The following KRT35 variants were observed in gnomAD, a reference collection of about 807,000 sequenced individuals.
The protein encoded by KRT35 is keratin 35.
Under a neutral mutation model 42.2 loss-of-function variants are expected in KRT35, and 33 were observed. The ratio of observed to expected loss-of-function variants is 0.78; its 90% CI spans 0.59 to 1.05. The LOEUF (loss-of-function observed/expected upper bound fraction) is 1.05, where lower values mean the gene tolerates loss of function less well. Ranked by LOEUF, KRT35 falls within the 50% of genes least tolerant of loss-of-function variation. KRT35 has a pLI of 0.00. For missense variants in KRT35, 585 were observed against 589.2 expected, an observed-to-expected ratio of 0.99 and a Z score of 0.07; for synonymous variants, 218 against 238.2, an observed-to-expected ratio of 0.92 and a Z score of 0.78.
At chr17:41,479,121 G>GCTCCCCATGCCCACCTC in intron 3 of KRT35, 126 bp from the exon 4 acceptor site, 1 of 1,004,876 alleles carries the variant, frequency 1.0e-6, no homozygotes, top group East Asian at 2.6e-5. Flanking sequence ...ATGCTCATCT[G>GCTCCCCATGCCCACCTC]CTCCCCATGC....
chr17:41,479,997 G>C (rs995521221), intron 1 of KRT35, among the ~76,000 whole-genome samples: 6 of 152,156 alleles, frequency 3.9e-5, no homozygotes, highest in Non-Finnish European at 8.8e-5. Flanking sequence ...CTGTTACTCA[G>C]GTTAGATAGC....
At position 41,477,052 on chromosome 17, in the gene KRT35, G is replaced by T. The variant is rs370552121; in HGVS notation, c.*4C>A. ...ATAGCCATGGCCATCTGGGTCACCC[G>T]CTCTCAGAACCGACCCCCTGGGCAG... On this transcript the variant is annotated 3_prime_UTR_variant, in exon 7 of 7. Transcript: ENST00000246639. 2 of 1,554,520 alleles carry T rather than the reference G, an allele frequency of 1.3e-6. No individual in the cohort carries two copies. Among genetic ancestry groups the T allele is most frequent in the Admixed American group, 2.1e-5 (1 of 48,526 alleles).
At chr17:41,479,265 C>G in intron 3 of KRT35, 82 bp downstream of exon 3, 5 of 1,330,704 alleles carry the variant, frequency 3.8e-6, no homozygotes, top group South Asian at 1.3e-5. Flanking sequence ...CACCTCATCC[C>G]CAATGCTCAC....
In KRT35 at chr17:41,478,360, C is replaced by T. The variant is rs895917089; in HGVS notation, c.999+1G>A. 1 of 1,612,834 alleles carries T rather than the reference C, an allele frequency of 6.2e-7. No homozygotes were observed. Among genetic ancestry groups the T allele is most frequent in the South Asian group, 1.1e-5 (1 of 91,028 alleles). ...CAGCTCCACCCTGCCTTGGGGCTCA[C>T]CATGCTGTGCTGAGCCTGCAGCTCA... On this transcript the variant is annotated splice_donor_variant, in intron 5 of 6. Coordinates refer to ENST00000246639, the MANE Select transcript of KRT35 (RefSeq NM_002280.6). LOFTEE classifies it high-confidence loss of function.
chr17:41,479,606 C>G, intron 2 of KRT35, 93 bp downstream of exon 2: 1 of 1,565,440 alleles, frequency 6.4e-7, no homozygotes, highest in South Asian at 1.1e-5. Flanking sequence ...CTTTTATGCC[C>G]CAATGACAGA....
In KRT35 at chr17:41,479,430, G is replaced by C; in HGVS notation, c.628C>G (p.Leu210Val). 1 of 1,614,164 alleles carries C rather than the reference G, an allele frequency of 6.2e-7. No homozygotes were observed. The highest frequency in any genetic ancestry group is 8.5e-7 in the Non-Finnish European group (1 of 1,180,018). The change falls in exon 3 of 7, where the codon CTG (leucine) becomes GTG (valine). Residue 210 changes from leucine to valine, a missense_variant. Physicochemically the swap from Leu to Val is conservative, Grantham distance 32 (BLOSUM62 1). Transcript: ENST00000246639. ...INGLRRILDD[L>V]TLCKSDLEAQ... ...TCCAGGTCAGACTTGCACAGGGTCA[G>C]GTCATCCAGGATCCTGCGCAGGCCG...
At position 41,481,006 on chromosome 17, in the gene KRT35, A is replaced by C; in HGVS notation, c.92T>G (p.Met31Arg). Residue 31 changes from methionine (M) to arginine (R), a missense_variant, in exon 1 of 7, where the codon ATG becomes AGG. Met to Arg is a moderately conservative substitution (Grantham distance 91). Transcript: ENST00000246639. ...ASGGSTRVSA[M>R]YSSSSCKLPS... is the part of the protein sequence containing the mutation. ...AAGCTTGCAAGAGCTGCTGGAGTAC[A>C]TTGCGGACACACGAGTGGAGCCCCC... 1 of 1,614,012 alleles carries C rather than the reference A, an allele frequency of 6.2e-7. No individual in the cohort carries two copies. Among genetic ancestry groups the C allele is most frequent in the South Asian group, 1.1e-5 (1 of 91,082 alleles).
Position 41,480,720 on chromosome 17 carries a change from C to T in KRT35, c.378G>A (p.Glu126=). ...RQLEQENASL[E]SRIREWCEQQ... ...GCTCACACCACTCACGGATGCGGCT[C>T]TCCAGGCTGGCGTTCTCCTGCTCCA... The change falls in exon 1 of 7, where the codon GAG becomes GAA. Residue 126 remains glutamate, a synonymous_variant. Coordinates refer to ENST00000246639, the MANE Select transcript of KRT35 (RefSeq NM_002280.6). 2 of 1,614,220 alleles carry T rather than the reference C, an allele frequency of 1.2e-6. No individual in the cohort carries two copies. Among genetic ancestry groups the T allele is most frequent in the East Asian group, 2.2e-5 (1 of 44,882 alleles).
intron 4 of KRT35, 68 bp from the exon 5 acceptor site, chr17:41,478,554 C>T (rs993021972): frequency 1.3e-5 from 20 of 1,550,052 alleles, no homozygotes; most frequent in South Asian, 3.5e-5. Flanking sequence ...CTACAGAGGC[C>T]GGTTAGAATC....
At chr17:41,479,857 C>A in intron 1 of KRT35, 76 bp from the exon 2 acceptor site, 1 of 1,246,706 alleles carries the variant, frequency 8.0e-7, no homozygotes, top group Admixed American at 1.7e-5. Flanking sequence ...CTGACAAGGG[C>A]TGACTCTGGA....
chr17:41,478,131 T>G (rs757146457), intron 5 of KRT35, among the ~76,000 whole-genome samples: 17 of 152,206 alleles, frequency 1.1e-4, no homozygotes, highest in Non-Finnish European at 1.9e-4. Context: ...TGCACAAATA[T>G]AGGACCTACT....
At chr17:41,478,623 G>A in intron 4 of KRT35, 137 bp from the exon 5 acceptor site, 2 of 1,218,128 alleles carry the variant, frequency 1.6e-6, no homozygotes, top group Non-Finnish European at 1.1e-6. Context: ...TATACTGGAG[G>A]GCATTGTTGC....
rs199599074 is a variant in KRT35 at position 41,481,019 on chromosome 17, G to A, written c.79C>T (p.Arg27Cys). 752 of 1,613,978 alleles carry A rather than the reference G, an allele frequency of 4.7e-4. 2 individuals carry two copies. Among genetic ancestry groups the A allele is most frequent in the Admixed American group, 1.5e-3 (91 of 60,014 alleles). The change falls in exon 1 of 7, where the codon CGT (arginine) becomes TGT (cysteine). Residue 27 changes from arginine to cysteine, a missense_variant. Transcript: ENST00000246639. ...CTGCTGGAGTACATTGCGGACACACGAGTGGAGCCCCCACTGGCCCCTCCT... is the reference window on the plus strand; with the variant it reads ...CTGCTGGAGTACATTGCGGACACACAAGTGGAGCCCCCACTGGCCCCTCCT... ...SPGGASGGST[R>C]VSAMYSSSSC... is the part of the protein sequence containing the mutation.
Position 41,477,215 on chromosome 17 carries a change from A to C in KRT35, c.1221-12T>G, listed in dbSNP as rs1264289684. ...GGTTACAGGGGAGCCTAGAAAAAAGAAAACAAATTACTGTGATTTTCCAGT... is the reference window on the plus strand; with the variant it reads ...GGTTACAGGGGAGCCTAGAAAAAAGCAAACAAATTACTGTGATTTTCCAGT... On this transcript the variant is annotated splice_polypyrimidine_tract_variant and intron_variant, in intron 6 of 6. Transcript: ENST00000246639. 1.9e-6 allele frequency: 3 copies of C among 1,613,596 alleles called. No individual in the cohort carries two copies. Among genetic ancestry groups the C allele is most frequent in the Admixed American group, 3.3e-5 (2 of 59,910 alleles).
chr17:41,481,015 A>G lies in KRT35; in HGVS notation c.83T>C (p.Val28Ala). Residue 28 changes from valine to alanine, a missense_variant, in exon 1 of 7, where the codon GTG becomes GCG. Transcript: ENST00000246639. ...PGGASGGSTR[V>A]SAMYSSSSCK... Reference sequence around the variant, plus strand: ...AGAGCTGCTGGAGTACATTGCGGACACACGAGTGGAGCCCCCACTGGCCCC... The same window carrying G: ...AGAGCTGCTGGAGTACATTGCGGACGCACGAGTGGAGCCCCCACTGGCCCC... 1 of 1,614,042 alleles carries G rather than the reference A, an allele frequency of 6.2e-7. No homozygotes were observed. The highest frequency in any genetic ancestry group is 2.2e-5 in the East Asian group (1 of 44,884).
rs527275228 is a variant in KRT35 at position 41,480,878 on chromosome 17, C to T, written c.220G>A (p.Ala74Thr). 1.2e-6 allele frequency: 2 copies of T among 1,614,076 alleles called. No individual in the cohort carries two copies. Among genetic ancestry groups the T allele is most frequent in the Non-Finnish European group, 1.7e-6 (2 of 1,179,922 alleles). Residue 74 changes from alanine (A) to threonine (T), a missense_variant, in exon 1 of 7, where the codon GCT becomes ACT. Coordinates refer to ENST00000246639, the MANE Select transcript of KRT35 (RefSeq NM_002280.6). Reference protein sequence around the residue: ...TSCLPALCLPAGGFATSYSGG... With the variant: ...TSCLPALCLPTGGFATSYSGG... The stretch of plus-strand genomic sequence containing the variant: ...CTGTAGCTGGTAGCGAAGCCTCCAG[C>T]AGGGAGGCAGAGAGCAGGGAGGCAG...
chr17:41,478,324 T>G (rs7220061), intron 5 of KRT35, 37 bp downstream of exon 5: 891,516 of 1,600,960 alleles, frequency 0.56, 251,220 homozygotes, highest in African/African-American at 0.71. Context: ...CTCCTCGGCT[T>G]GGTCCAGAGG....
chr17:41,478,328 C>T lies in KRT35; in HGVS notation c.999+33G>A, dbSNP rs748112251. On this transcript the variant is annotated intron_variant, in intron 5 of 6. Transcript: ENST00000246639. ...GAGCTTGTGTGCTCCTCGGCTTGGTCCAGAGGCAGCTCCACCCTGCCTTGG... is the reference window on the plus strand; with the variant it reads ...GAGCTTGTGTGCTCCTCGGCTTGGTTCAGAGGCAGCTCCACCCTGCCTTGG... 4 of 1,606,932 alleles carry T rather than the reference C, an allele frequency of 2.5e-6. No homozygotes were observed. The South Asian group carries it at 4.4e-5, about 18-fold the overall frequency.
intron 6 of KRT35, 150 bp from the exon 7 acceptor site, chr17:41,477,353 G>A: frequency 7.5e-7 from 1 of 1,328,334 alleles, no homozygotes. Context: ...GGCCCTGAGA[G>A]GAAAGGGGGC....
Sources: allele counts gnomAD v4.1 joint callset (sites outside exome capture counted in the v4.1 genomes callset), GRCh38; gene constraint gnomAD v4.1.1; transcripts MANE v1.5; gene names NCBI Gene and HGNC (gene_info 2026-07-23, HGNC 2026-07-21).